Variants in PPARA observed in about 807,000 individuals in gnomAD.
The protein encoded by PPARA is peroxisome proliferator activated receptor alpha, also known as peroxisome proliferator-activated receptor alpha.
A neutral mutation model predicts 42.2 loss-of-function variants in PPARA; 22 were observed. The observed-to-expected ratio is 0.52, with a 90% CI of 0.37 to 0.74. The LOEUF (loss-of-function observed/expected upper bound fraction) is 0.74. PPARA is among the 30% of genes least tolerant of loss of function. PPARA has a pLI of 0.00. For synonymous variants in PPARA, 242 were observed against 239.3 expected, an observed-to-expected ratio of 1.01 and a Z score of -0.10; for missense variants, 465 against 608.2, an observed-to-expected ratio of 0.76 and a Z score of 2.48.
At chr22:46,151,580 C>G (rs913201769) in intron 1 of PPARA, among the ~76,000 whole-genome samples, 4 of 152,282 alleles carry the variant, frequency 2.6e-5, no homozygotes, top group African/African-American at 9.6e-5. Flanking sequence ...AGGATTCTTT[C>G]CAAGAAAAAC....
At position 46,163,127 on chromosome 22, in the gene PPARA, G is replaced by A. The variant is rs926477055; in HGVS notation, c.-127+11157G>A. ...ACAGAGGGTCACGGAGGTCGCAGGG[G>A]CGTGTGTGCAGCACCTGCCAGTGAA... is the stretch of plus-strand genomic sequence containing the variant. On this transcript the variant is annotated intron_variant, in intron 2 of 8. Coordinates refer to ENST00000407236, the MANE Select transcript of PPARA (RefSeq NM_005036.6). This position sits in a 1 kb window ranked among gnomAD's most constrained non-coding sequence, Gnocchi z 4.9. Among the ~76,000 whole-genome samples, 9 of 152,190 alleles carry A rather than the reference G, an allele frequency of 5.9e-5. No individual in the cohort carries two copies. The highest frequency in any genetic ancestry group is 1.0e-4 in the Non-Finnish European group (7 of 68,038).
In PPARA at chr22:46,160,138, T is replaced by C. The variant is rs135542; in HGVS notation, c.-127+8168T>C. The stretch of plus-strand genomic sequence containing the variant: ...AGAGGAGCAGGCTCCCATTCCCAGC[T>C]AAGGGTGGCAGCTGGCGGGGATCTT... On this transcript the variant is annotated intron_variant, in intron 2 of 8. Coordinates refer to ENST00000407236, the MANE Select transcript of PPARA (RefSeq NM_005036.6). This position sits in a 1 kb window ranked among gnomAD's most constrained non-coding sequence, Gnocchi z 4.5. Among the ~76,000 whole-genome samples the C allele has an allele frequency of 0.25, 38,448 of 152,108 alleles. 5,129 individuals are homozygous for C. The highest frequency in any genetic ancestry group is 0.28 in the Non-Finnish European group (18,831 of 67,984).
rs1476654959 is a variant in PPARA, at chr22:46,198,544, A to G, written c.161A>G (p.Tyr54Cys). 1 of 1,613,974 alleles carries G rather than the reference A, an allele frequency of 6.2e-7. No individual in the cohort carries two copies. The highest frequency in any genetic ancestry group is 8.5e-7 in the Non-Finnish European group (1 of 1,179,978). The stretch of plus-strand genomic sequence containing the variant: ...TCTGGAAGCTTTGGCTTTACGGAAT[A>G]CCAGTATTTAGGAAGCTGTCCTGGC... ...DSSGSFGFTEYQYLGSCPGSD... is the reference protein window; with the variant it reads ...DSSGSFGFTECQYLGSCPGSD... Residue 54 changes from tyrosine to cysteine, a missense_variant, in exon 4 of 9, where the codon TAC becomes TGC. By Grantham distance (194) the Tyr-to-Cys change is radical (BLOSUM62 -2). This residue lies in a region of PPARA where 152 missense variants were observed against 139.1 expected (regional missense o/e 1.09). Transcript: ENST00000407236.
Position 46,233,859 on chromosome 22 carries a change from T to C in PPARA, c.1160-1274T>C, listed in dbSNP as rs1408080688. 6.6e-6 allele frequency among the ~76,000 whole-genome samples: 1 copy of C among 151,826 alleles called. No homozygotes were observed. The highest frequency in any genetic ancestry group is 2.4e-5 in the African/African-American group (1 of 41,318). The stretch of plus-strand genomic sequence containing the variant: ...TTTTTTTTGAGACAGAGTCTCCGTC[T>C]GTCACCCTGGCTGGAGTGCAGTGGC... On this transcript the variant is annotated intron_variant, in intron 8 of 8. Coordinates refer to ENST00000407236, the MANE Select transcript of PPARA (RefSeq NM_005036.6). This position sits in a 1 kb window ranked among gnomAD's most constrained non-coding sequence, Gnocchi z 7.3.
Position 46,180,375 on chromosome 22 carries a change from C to T in PPARA, c.-43+3539C>T, listed in dbSNP as rs1422091483. Among the ~76,000 whole-genome samples, 1 of 152,014 alleles carries T rather than the reference C, an allele frequency of 6.6e-6. No individual in the cohort carries two copies. The highest frequency in any genetic ancestry group is 2.4e-5 in the African/African-American group (1 of 41,380). Reference sequence around the variant, plus strand: ...AATAAAAATGCTGTTTAGGCCCAGACTGAAAGGCTTTAAGTAACCACTCCC... The same window carrying T: ...AATAAAAATGCTGTTTAGGCCCAGATTGAAAGGCTTTAAGTAACCACTCCC... On this transcript the variant is annotated intron_variant, in intron 3 of 8. Coordinates refer to ENST00000407236, the MANE Select transcript of PPARA (RefSeq NM_005036.6). This position sits in a 1 kb window ranked among gnomAD's most constrained non-coding sequence, Gnocchi z 4.2.
intron 2 of PPARA, among the ~76,000 whole-genome samples, chr22:46,175,615 G>A (rs916410841): frequency 6.6e-6 from 1 of 151,966 alleles, no homozygotes; most frequent in African/African-American, 2.4e-5. Flanking sequence ...TCGGGAGGCT[G>A]AGGCAGGAGA....
chr22:46,181,804 G>A (rs529028315), intron 3 of PPARA, among the ~76,000 whole-genome samples: 1 of 152,256 alleles, frequency 6.6e-6, no homozygotes, highest in South Asian at 2.1e-4. Context: ...AGCCTTGTCT[G>A]GCAACTTACT....
In PPARA at chr22:46,233,944, C is replaced by CT. The variant is rs1287691100; in HGVS notation, c.1160-1188dup. The stretch of plus-strand genomic sequence containing the variant: ...GTTCAAGTGATTCGCCTGCCTCAGC[C>CT]TCCTGAGTAGCTGAGATTACAGGAA... On this transcript the variant is annotated intron_variant, in intron 8 of 8. Coordinates refer to ENST00000407236, the MANE Select transcript of PPARA (RefSeq NM_005036.6). This position sits in a 1 kb window ranked among gnomAD's most constrained non-coding sequence, Gnocchi z 7.3. Among the ~76,000 whole-genome samples, 1 of 152,076 alleles carries CT rather than the reference C, an allele frequency of 6.6e-6. No individual in the cohort carries two copies. The highest frequency in any genetic ancestry group is 2.4e-5 in the African/African-American group (1 of 41,380).
intron 3 of PPARA, among the ~76,000 whole-genome samples, chr22:46,179,272 A>G (rs1324796582): frequency 2.0e-5 from 3 of 152,250 alleles, no homozygotes; most frequent in Non-Finnish European, 4.4e-5. Flanking sequence ...AACCAGTAGG[A>G]TTCATCCCAG....
rs576785195 is a variant in PPARA, at chr22:46,203,790, G to A, written c.208+5199G>A. Among the ~76,000 whole-genome samples the A allele has an allele frequency of 3.9e-5, 6 of 152,336 alleles. No individual in the cohort carries two copies. In the East Asian group the frequency reaches 9.7e-4, roughly 25 times the overall value. On this transcript the variant is annotated intron_variant, in intron 4 of 8. Coordinates refer to ENST00000407236, the MANE Select transcript of PPARA (RefSeq NM_005036.6). This position sits in a 1 kb window ranked among gnomAD's most constrained non-coding sequence, Gnocchi z 5.8. Reference sequence around the variant, plus strand: ...CGTGGCTCCACCCCATTCTCCCAATGCCCAGGTGGGTCCCCGTCCCTTGCG... The same window carrying A: ...CGTGGCTCCACCCCATTCTCCCAATACCCAGGTGGGTCCCCGTCCCTTGCG...
Position 46,192,723 on chromosome 22 carries a change from C to T in PPARA, c.-42-5619C>T, listed in dbSNP as rs889228846. On this transcript the variant is annotated intron_variant, in intron 3 of 8. Coordinates refer to ENST00000407236, the MANE Select transcript of PPARA (RefSeq NM_005036.6). The surrounding 1 kb of genome is among the most constrained non-coding windows in gnomAD (Gnocchi z 4.3). The stretch of plus-strand genomic sequence containing the variant: ...TACAATAGCTAAGATTTGGAAGCAA[C>T]CTAAGTGTCCATCACCAGACAAATA... 1.3e-5 allele frequency among the ~76,000 whole-genome samples: 2 copies of T among 152,076 alleles called. No homozygotes were observed. The highest frequency in any genetic ancestry group is 4.8e-5 in the African/African-American group (2 of 41,390).
At chr22:46,189,944 A>G (rs928358519) in intron 3 of PPARA, among the ~76,000 whole-genome samples, 2 of 152,098 alleles carry the variant, frequency 1.3e-5, no homozygotes, top group African/African-American at 4.8e-5. Flanking sequence ...TGACCTCGTG[A>G]TCCGCCCACC....
At chr22:46,207,578 T>A (rs1933451838) in intron 4 of PPARA, among the ~76,000 whole-genome samples, 1 of 149,890 alleles carries the variant, frequency 6.7e-6, no homozygotes, top group Admixed American at 6.7e-5. Flanking sequence ...CCACCGAGCC[T>A]GGCCACTTTT....
Position 46,211,680 on chromosome 22 carries a change from C to T in PPARA, c.209-3493C>T, listed in dbSNP as rs762604152. On this transcript the variant is annotated intron_variant, in intron 4 of 8. Coordinates refer to ENST00000407236, the MANE Select transcript of PPARA (RefSeq NM_005036.6). This position sits in a 1 kb window ranked among gnomAD's most constrained non-coding sequence, Gnocchi z 4.1. ...GTCATGTATCCACCACTACATTTTC[C>T]TTCTCTCTCTTTCTTGCTTTCTCGC... Among the ~76,000 whole-genome samples the T allele has an allele frequency of 4.3e-4, 66 of 152,122 alleles. No homozygotes were observed. Among genetic ancestry groups the T allele is most frequent in the Non-Finnish European group, 7.1e-4 (48 of 67,998 alleles).
At chr22:46,215,608 G>C (rs1047393712) in intron 5 of PPARA, among the ~76,000 whole-genome samples, 2 of 152,036 alleles carry the variant, frequency 1.3e-5, no homozygotes, top group Admixed American at 6.6e-5. Context: ...CAGGCGTGGT[G>C]GTGGGCGCCT....
At chr22:46,189,087 A>G (rs7364220) in intron 3 of PPARA, among the ~76,000 whole-genome samples, 33,743 of 152,196 alleles carry the variant, frequency 0.22, 4,150 homozygotes, top group African/African-American at 0.32. Context: ...TGGTGAATAC[A>G]AATTTCATTT....
At position 46,196,655 on chromosome 22, in the gene PPARA, G is replaced by A. The variant is rs114071080; in HGVS notation, c.-42-1687G>A. On this transcript the variant is annotated intron_variant, in intron 3 of 8. Coordinates refer to ENST00000407236, the MANE Select transcript of PPARA (RefSeq NM_005036.6). This position sits in a 1 kb window ranked among gnomAD's most constrained non-coding sequence, Gnocchi z 5.6. ...GACACTCCACACGTGCATTCATTTC[G>A]TTGTTCACCATCTGTGTCCCAGTTA... Among the ~76,000 whole-genome samples the A allele has an allele frequency of 3.7e-3, 570 of 152,268 alleles. 9 individuals are homozygous for A. The highest frequency in any genetic ancestry group is 0.013 in the African/African-American group (551 of 41,552).
At chr22:46,176,978 A>T (rs1929172733) in intron 3 of PPARA, 142 bp downstream of exon 3, 1 of 152,322 alleles carries the variant, frequency 6.6e-6, no homozygotes, top group Non-Finnish European at 1.5e-5. Context: ...TGGGGGGCCA[A>T]GGCGGGCAGA....
rs1477268905 is a variant in PPARA at position 46,238,329 on chromosome 22, C to CA, written c.*2952dup. The CA allele has an allele frequency of 6.6e-6, 1 of 152,204 alleles. No individual in the cohort carries two copies. Among genetic ancestry groups the CA allele is most frequent in the Non-Finnish European group, 1.5e-5 (1 of 68,038 alleles). The allele number at this position is 152,204 out of a possible 1,614,324, so 9.4% of individuals were successfully genotyped here. A position where few individuals can be genotyped will look rare whatever the true frequency, so the allele number is the denominator to read the frequency against. ...ATAGATTTCTCAGGGCATCAATACT[C>CA]AAATATAGGCTGATTATGCCCCAGT... On this transcript the variant is annotated 3_prime_UTR_variant, in exon 9 of 9. Transcript: ENST00000407236. This position sits in a 1 kb window ranked among gnomAD's most constrained non-coding sequence, Gnocchi z 8.3.
Sources: gnomAD v4.1 joint callset for allele counts (sites outside exome capture counted in the v4.1 genomes callset) on GRCh38, gnomAD v4.1.1 for gene constraint, gnomAD v4.1.1 regional missense constraint, Gnocchi (gnomAD v3.1) non-coding constraint, MANE v1.5 for transcripts, NCBI Gene and HGNC (gene_info 2026-07-23, HGNC 2026-07-21) for gene names.